KIAA1217: variants seen among roughly 807,000 people sequenced by gnomAD.
KIAA1217 encodes the protein sickle tail protein homolog.
Under a neutral mutation model 163.9 loss-of-function variants are expected in KIAA1217, and 88 were observed. The ratio of observed to expected loss-of-function variants is 0.54; its 90% CI spans 0.45 to 0.64. The LOEUF (loss-of-function observed/expected upper bound fraction) is 0.64, where lower values mean the gene tolerates loss of function less well. Ranked by LOEUF, KIAA1217 falls within the 30% of genes least tolerant of loss-of-function variation. KIAA1217 has a pLI of 0.00. For synonymous variants in KIAA1217, 903 were observed against 923.1 expected, an observed-to-expected ratio of 0.98 and a Z score of 0.39; for missense variants, 2,372 against 2,475.0, an observed-to-expected ratio of 0.96 and a Z score of 0.88.
chr10:24,542,440 T>A, intron 17 of KIAA1217: 3 of 1,152,068 alleles, frequency 2.6e-6, no homozygotes, highest in South Asian at 1.9e-5. Flanking sequence ...TCTTCACCAC[T>A]CCCCTACAAA....
chr10:24,303,293 GGCATGA>G (rs1365731877), intron 2 of KIAA1217, among the ~76,000 whole-genome samples: 1 of 152,116 alleles, frequency 6.6e-6, no homozygotes, highest in Non-Finnish European at 1.5e-5. Context: ...TAGGATTACA[GGCATGA>G]GCCACCACAC....
At position 24,473,791 on chromosome 10, in the gene KIAA1217, A is replaced by AC; in HGVS notation, c.1415dup (p.Ala473CysfsTer8). 2 of 1,613,298 alleles carry AC rather than the reference A, an allele frequency of 1.2e-6. No individual in the cohort carries two copies. Among genetic ancestry groups the AC allele is most frequent in the Non-Finnish European group, 1.7e-6 (2 of 1,179,866 alleles). On this transcript the variant is annotated frameshift_variant, in exon 6 of 21. Transcript: ENST00000376454. LOFTEE classifies it high-confidence loss of function. The stretch of plus-strand genomic sequence containing the variant: ...ATTTGCCTACACTGGGCTCCAAAAC[A>AC]CCCCCTGCCTCTCCTCACAGAGTCA...
intron 2 of KIAA1217, among the ~76,000 whole-genome samples, chr10:24,010,476 TC>T (rs1847193043): frequency 2.2e-5 from 3 of 135,550 alleles, no homozygotes; most frequent in South Asian, 4.8e-4. Context: ...AACTGATCGA[TC>T]CTTTTTTTTT....
At chr10:24,115,287 T>G (rs753070264) in intron 2 of KIAA1217, among the ~76,000 whole-genome samples, 10 of 152,230 alleles carry the variant, frequency 6.6e-5, no homozygotes, top group Non-Finnish European at 1.2e-4. Context: ...TAAAAATAGC[T>G]ACATTCATGG....
intron 9 of KIAA1217, 32 bp from the exon 10 acceptor site, chr10:24,513,227 G>T (rs1296722149): frequency 1.2e-6 from 2 of 1,608,188 alleles, no homozygotes; most frequent in Non-Finnish European, 1.7e-6. Context: ...GGCAGGCAGA[G>T]CCCACTGAGG....
At chr10:24,208,073 A>G (rs1488884054), upstream of KIAA1217, among the ~76,000 whole-genome samples, 1 of 150,908 alleles carries the variant, frequency 6.6e-6, no homozygotes, top group African/African-American at 2.4e-5. Context: ...TTACTCTGAG[A>G]TATCTGACAT....
chr10:23,740,505 C>G (rs569753469), intron 1 of KIAA1217, among the ~76,000 whole-genome samples: 1 of 152,098 alleles, frequency 6.6e-6, no homozygotes, highest in African/African-American at 2.4e-5. Context: ...ACTACAGATG[C>G]GCACCACCAC....
intron 1 of KIAA1217, among the ~76,000 whole-genome samples, chr10:23,952,949 TC>T (rs374947292): frequency 3.9e-5 from 6 of 152,334 alleles, no homozygotes; most frequent in African/African-American, 1.2e-4. Flanking sequence ...TGGACTGCAT[TC>T]ATTCACAAAA....
chr10:24,134,913 G>A (rs1016841338), intron 2 of KIAA1217, among the ~76,000 whole-genome samples: 37 of 152,084 alleles, frequency 2.4e-4, no homozygotes, highest in African/African-American at 3.1e-4. Flanking sequence ...ATCCAAGCAG[G>A]CTGATGTGAT....
chr10:23,770,418 T>A (rs1158730499), intron 1 of KIAA1217, among the ~76,000 whole-genome samples: 1 of 152,204 alleles, frequency 6.6e-6, no homozygotes, highest in African/African-American at 2.4e-5. Context: ...AAAATATTCC[T>A]TCAGGCTAAG....
intron 2 of KIAA1217, among the ~76,000 whole-genome samples, chr10:24,025,282 C>T (rs576755701): frequency 6.6e-6 from 1 of 151,806 alleles, no homozygotes; most frequent in South Asian, 2.1e-4. Flanking sequence ...TTATTTTCCT[C>T]ATAAAATTTC....
intron 1 of KIAA1217, among the ~76,000 whole-genome samples, chr10:23,852,367 G>T (rs1437941309): frequency 2.6e-5 from 4 of 152,266 alleles, no homozygotes; most frequent in African/African-American, 9.6e-5. Context: ...CTGTTCCATT[G>T]ATCTATATCT....
intron 1 of KIAA1217, among the ~76,000 whole-genome samples, chr10:23,725,890 A>C (rs995917117): frequency 5.3e-5 from 8 of 152,184 alleles, no homozygotes; most frequent in Admixed American, 6.6e-5. Context: ...ATGTATACCA[A>C]CTTCCACCTT....
intron 2 of KIAA1217, among the ~76,000 whole-genome samples, chr10:24,309,050 G>T (rs1303514085): frequency 6.7e-6 from 1 of 149,220 alleles, no homozygotes; most frequent in East Asian, 2.0e-4. Flanking sequence ...TTGAACCCAG[G>T]AGGCGGAGGT....
intron 2 of KIAA1217, among the ~76,000 whole-genome samples, chr10:24,266,473 C>T (rs1016885974): frequency 2.6e-5 from 4 of 152,118 alleles, no homozygotes; most frequent in African/African-American, 7.2e-5. Context: ...AGAGGTGAAG[C>T]CAGCTGGACT....
chr10:24,078,303 G>A (rs1164340385), intron 2 of KIAA1217, among the ~76,000 whole-genome samples: 1 of 152,170 alleles, frequency 6.6e-6, no homozygotes, highest in Non-Finnish European at 1.5e-5. Context: ...CAAGTGCAGA[G>A]GGTAAAGCCG....
chr10:23,900,710 A>G (rs1841920619), intron 1 of KIAA1217, among the ~76,000 whole-genome samples: 2 of 152,012 alleles, frequency 1.3e-5, no homozygotes, highest in South Asian at 4.1e-4. Flanking sequence ...GGTTACCTCT[A>G]AGGTACCATC....
intron 2 of KIAA1217, among the ~76,000 whole-genome samples, chr10:24,156,814 A>G (rs1362118352): frequency 6.6e-6 from 1 of 152,138 alleles, no homozygotes; most frequent in East Asian, 1.9e-4. Flanking sequence ...GAAACCACAT[A>G]AAGGCTCATG....
At chr10:24,434,008 CCTCTCTCT>C (rs1158383682) in intron 4 of KIAA1217, among the ~76,000 whole-genome samples, 1 of 125,950 alleles carries the variant, frequency 7.9e-6, no homozygotes, top group African/African-American at 3.2e-5. Flanking sequence ...TCTCTCTCTC[CCTCTCTCT>C]CTCTCTCTCT....
Sources: allele counts gnomAD v4.1 joint callset (sites outside exome capture counted in the v4.1 genomes callset), GRCh38; gene constraint gnomAD v4.1.1; transcripts MANE v1.5; gene names NCBI Gene and HGNC (gene_info 2026-07-23, HGNC 2026-07-21).